The following NTM variants were observed in gnomAD, a reference collection of about 807,000 sequenced individuals.
NTM encodes neurotrimin, also known as IgLON family member 2.
Under a neutral mutation model 42.1 loss-of-function variants are expected in NTM, and 13 were observed. That is an observed-to-expected ratio of 0.31 (90% CI 0.20 to 0.49). The LOEUF is 0.49. Ranked by LOEUF, NTM falls within the 20% of genes least tolerant of loss-of-function variation. NTM has a pLI of 0.99. For synonymous variants in NTM, 187 were observed against 179.2 expected (o/e 1.04, Z -0.35); for missense variants, 373 against 452.8 (o/e 0.82, Z 1.60).
intron 2 of NTM, among the ~76,000 whole-genome samples, chr11:132,107,920 T>C (rs2062618808): frequency 2.0e-5 from 3 of 152,192 alleles, no homozygotes; most frequent in Admixed American, 6.5e-5. Context: ...CTTTCATAAA[T>C]TGATATCTTT....
At chr11:132,007,926 C>T (rs2071181388) in intron 2 of NTM, among the ~76,000 whole-genome samples, 1 of 152,070 alleles carries the variant, frequency 6.6e-6, no homozygotes, top group African/African-American at 2.4e-5. Flanking sequence ...GAGAATAACC[C>T]TGGATGGAGT....
At chr11:131,834,979 T>C (rs966285691) in intron 1 of NTM, among the ~76,000 whole-genome samples, 1 of 152,078 alleles carries the variant, frequency 6.6e-6, no homozygotes, top group Non-Finnish European at 1.5e-5. Flanking sequence ...ATTAATTCAT[T>C]CAACAAACAG....
chr11:131,889,997 G>T (rs553389647), intron 1 of NTM, among the ~76,000 whole-genome samples: 2 of 152,074 alleles, frequency 1.3e-5, no homozygotes, highest in Non-Finnish European at 2.9e-5. Context: ...TGTTCACAGA[G>T]ACTCCTCCTT....
At chr11:132,308,794 A>C (rs2095185036) in intron 5 of NTM, among the ~76,000 whole-genome samples, 1 of 152,198 alleles carries the variant, frequency 6.6e-6, no homozygotes, top group Non-Finnish European at 1.5e-5. Context: ...TTTAAAAATC[A>C]TATCACAAGT....
intron 1 of NTM, among the ~76,000 whole-genome samples, chr11:131,750,654 C>A (rs1235714925): frequency 6.6e-6 from 1 of 152,220 alleles, no homozygotes; most frequent in African/African-American, 2.4e-5. Flanking sequence ...TCCACCACAG[C>A]CCACCACTTG....
chr11:131,592,553 T>C lies in NTM; in HGVS notation c.82+221665T>C, dbSNP rs1288115332. ...AAAAAAAAAAAAAAGCTAGTTTCTT[T>C]TGTCCTGCAGTAGTGATGAAAGCCA... On this transcript the variant is annotated intron_variant, in intron 1 of 8. Transcript: ENST00000683400. Among the ~76,000 whole-genome samples, 4 of 151,374 alleles carry C rather than the reference T, an allele frequency of 2.6e-5. No individual in the cohort carries two copies. The East Asian group carries it at 7.8e-4, about 29-fold the overall frequency.
intron 2 of NTM, among the ~76,000 whole-genome samples, chr11:132,028,100 C>T (rs931463564): frequency 6.6e-6 from 1 of 151,744 alleles, no homozygotes; most frequent in Non-Finnish European, 1.5e-5. Context: ...GCTTACATTC[C>T]CCATTTGTCC....
At chr11:131,863,630 C>G (rs1198083889) in intron 1 of NTM, among the ~76,000 whole-genome samples, 1 of 152,194 alleles carries the variant, frequency 6.6e-6, no homozygotes, top group Non-Finnish European at 1.5e-5. Flanking sequence ...CTAAACTGAA[C>G]CTGCAAACCA....
intron 4 of NTM, among the ~76,000 whole-genome samples, chr11:132,274,753 T>C (rs1446689659): frequency 6.6e-6 from 1 of 152,104 alleles, no homozygotes; most frequent in African/African-American, 2.4e-5. Context: ...GAGAAGGATG[T>C]TTATTGTGCT....
intron 4 of NTM, among the ~76,000 whole-genome samples, chr11:132,247,571 ATTGT>A (rs764226092): frequency 6.6e-6 from 1 of 152,192 alleles, no homozygotes; most frequent in Non-Finnish European, 1.5e-5. Flanking sequence ...GAAGTGCAAA[ATTGT>A]TTGGTTCAGA....
chr11:131,410,851 C>A (rs940402709), intron 1 of NTM, among the ~76,000 whole-genome samples: 1 of 152,134 alleles, frequency 6.6e-6, no homozygotes, highest in Non-Finnish European at 1.5e-5. Context: ...AGGGCATCAG[C>A]AAGGTCTACA....
At chr11:131,385,724 G>T (rs1217073502) in intron 1 of NTM, among the ~76,000 whole-genome samples, 1 of 152,090 alleles carries the variant, frequency 6.6e-6, no homozygotes, top group Non-Finnish European at 1.5e-5. Flanking sequence ...AGGCGCAGAG[G>T]TGCACACCTG....
chr11:131,391,549 G>A (rs1264881269), intron 1 of NTM, among the ~76,000 whole-genome samples: 1 of 145,388 alleles, frequency 6.9e-6, no homozygotes, highest in Admixed American at 7.0e-5. Context: ...TTTAATAGGG[G>A]AAAAGAAAGA....
At chr11:131,822,087 C>T (rs928923602) in intron 1 of NTM, among the ~76,000 whole-genome samples, 2 of 152,182 alleles carry the variant, frequency 1.3e-5, no homozygotes, top group African/African-American at 2.4e-5. Flanking sequence ...GGGTTCAGAA[C>T]CCATTGTATG....
chr11:131,591,476 C>T (rs539184377), intron 1 of NTM, among the ~76,000 whole-genome samples: 32 of 152,304 alleles, frequency 2.1e-4, no homozygotes, highest in African/African-American at 7.5e-4. Flanking sequence ...GTTTAGGACC[C>T]AGCCTGCTGA....
chr11:131,891,794 ACTTT>A lies in NTM; in HGVS notation c.83-19763_83-19760del, dbSNP rs376346689. On this transcript the variant is annotated intron_variant, in intron 1 of 8. Transcript: ENST00000683400. ...CTGTTACATTGCTCAGACATTTTGG[ACTTT>A]CTTTCTCTCTCTTTTACATGTCCCA... is the stretch of plus-strand genomic sequence containing the variant. Among the ~76,000 whole-genome samples the A allele has an allele frequency of 1.7e-3, 260 of 152,166 alleles. 2 individuals are homozygous for A. Among genetic ancestry groups the A allele is most frequent in the African/African-American group, 5.9e-3 (245 of 41,522 alleles).
chr11:131,974,386 C>A (rs1320106875), intron 2 of NTM, among the ~76,000 whole-genome samples: 1 of 152,078 alleles, frequency 6.6e-6, no homozygotes, highest in Non-Finnish European at 1.5e-5. Flanking sequence ...GATAGGAGTC[C>A]TTTTGCATTT....
chr11:132,106,187 T>A (rs1050809209), intron 2 of NTM, among the ~76,000 whole-genome samples: 6 of 152,242 alleles, frequency 3.9e-5, no homozygotes, highest in Admixed American at 1.3e-4. Context: ...TAACAATTAG[T>A]TTGAATGTTG....
chr11:131,892,179 GCCT>G (rs2051465995), intron 1 of NTM, among the ~76,000 whole-genome samples: 1 of 150,296 alleles, frequency 6.7e-6, no homozygotes, highest in Non-Finnish European at 1.5e-5. Flanking sequence ...CTTCTCCTCC[GCCT>G]TCTTCTTCTT....
Sources: allele counts gnomAD v4.1 joint callset (sites outside exome capture counted in the v4.1 genomes callset), GRCh38; gene constraint gnomAD v4.1.1; transcripts MANE v1.5; gene names NCBI Gene and HGNC (gene_info 2026-07-23, HGNC 2026-07-21).